TCF25: variants seen among roughly 807,000 people sequenced by gnomAD.
TCF25 encodes TCF25 ribosome quality control complex subunit, also known as ribosome quality control complex subunit TCF25.
Under a neutral mutation model 83.1 loss-of-function variants are expected in TCF25, and 41 were observed. The ratio of observed to expected loss-of-function variants is 0.49; its 90% CI spans 0.38 to 0.64. TCF25 has a LOEUF of 0.64. Ranked by LOEUF, TCF25 falls within the 30% of genes least tolerant of loss-of-function variation. The probability of loss-of-function intolerance (pLI) is 0.00; values close to 1 mark genes in which losing one functional copy is unlikely to be tolerated. For synonymous variants in TCF25, 458 were observed against 365.0 expected (o/e 1.25, Z -2.90); for missense variants, 979 against 914.5 (o/e 1.07, Z -0.91).
intron 16 of TCF25, chr16:89,909,249 C>T (rs1005845897): frequency 1.1e-5 from 10 of 907,174 alleles, no homozygotes; most frequent in East Asian, 6.3e-5. Flanking sequence ...CAGTGACTCA[C>T]GCCTGTAATT....
Position 89,898,615 on chromosome 16 carries a change from C to A in TCF25, c.1081C>A (p.Arg361Ser), listed in dbSNP as rs144328773. ...MSFLEKRGCP[R>S]TALEYCKLIL... ...CTTCCTGGAGAAGCGAGGCTGCCCGCGCACGGCGCTGGAGTACTGCAAGCT... is the reference window on the plus strand; with the variant it reads ...CTTCCTGGAGAAGCGAGGCTGCCCGAGCACGGCGCTGGAGTACTGCAAGCT... The change falls in exon 10 of 18, where the codon CGC (arginine) becomes AGC (serine). Residue 361 changes from arginine (R) to serine (S), a missense_variant. Transcript: ENST00000263346. The A allele has an allele frequency of 7.9e-4, 1,275 of 1,612,874 alleles. 2 individuals carry two copies. The highest frequency in any genetic ancestry group is 1.3e-3 in the Admixed American group (78 of 60,014).
chr16:89,909,015 G>C (rs530602776), intron 16 of TCF25: 2 of 1,289,436 alleles, frequency 1.6e-6, no homozygotes, highest in East Asian at 5.5e-5. Flanking sequence ...ACAGCTCTGC[G>C]TTTGCAGGCC....
intron 5 of TCF25, chr16:89,890,763 A>C (rs1037635466): frequency 2.0e-5 from 3 of 152,076 alleles, no homozygotes; most frequent in Non-Finnish European, 4.4e-5. Flanking sequence ...ATAATTATTA[A>C]TAGTAATTAG....
rs111962119 is a variant in TCF25, at chr16:89,905,440, G to A, written c.1628+344G>A. On this transcript the variant is annotated intron_variant, in intron 14 of 17. Transcript: ENST00000263346. The stretch of plus-strand genomic sequence containing the variant: ...GGGAGTAAAGAAATCTGGCAGAGAC[G>A]AGAAAGAGTCTCCTGTCCTGTGTGT... 2.9e-3 allele frequency among the ~76,000 whole-genome samples: 437 copies of A among 152,336 alleles called. 4 individuals carry two copies. Among genetic ancestry groups the A allele is most frequent in the African/African-American group, 0.01 (423 of 41,576 alleles).
chr16:89,873,939 G>T, intron 1 of TCF25, 80 bp downstream of exon 1: 1 of 1,432,656 alleles, frequency 7.0e-7, no homozygotes, highest in Non-Finnish European at 9.2e-7. Context: ...CCGGGTCGGG[G>T]AGCGGGGTTG....
intron 5 of TCF25, chr16:89,889,952 C>T (rs1199475858): frequency 6.6e-6 from 1 of 152,218 alleles, no homozygotes; most frequent in Non-Finnish European, 1.5e-5. Flanking sequence ...TCACTGCAAC[C>T]TCCGCCTCCT....
intron 4 of TCF25, 51 bp from the exon 5 acceptor site, chr16:89,887,601 C>T (rs764451067): frequency 1.8e-5 from 27 of 1,488,654 alleles, no homozygotes; most frequent in South Asian, 6.7e-5. Context: ...CTTTTGGAAT[C>T]GTCTTAGAAC....
intron 4 of TCF25, among the ~76,000 whole-genome samples, chr16:89,887,164 G>T (rs939395438): frequency 2.6e-5 from 4 of 151,976 alleles, no homozygotes; most frequent in Non-Finnish European, 5.9e-5. Context: ...CTCCCAAAAT[G>T]CTGGAATTAC....
At chr16:89,881,066 C>G (rs965478384) in intron 1 of TCF25, among the ~76,000 whole-genome samples, 3 of 152,208 alleles carry the variant, frequency 2.0e-5, no homozygotes, top group African/African-American at 7.2e-5. Context: ...CATGGATTTT[C>G]TCAACGGGCG....
Position 89,891,959 on chromosome 16 carries a change from C to T in TCF25, c.615-234C>T, listed in dbSNP as rs964357417. ...TGCTGGGATTACAGGTGTGAGCCCC[C>T]GTGCCCAGCCAGAATTGTTTCTTTC... On this transcript the variant is annotated intron_variant, in intron 5 of 17. Transcript: ENST00000263346. Among the ~76,000 whole-genome samples, 6 of 152,226 alleles carry T rather than the reference C, an allele frequency of 3.9e-5. No homozygotes were observed. The East Asian group carries it at 5.8e-4, about 15-fold the overall frequency.
At chr16:89,896,302 G>C (rs771104609) in intron 9 of TCF25, among the ~76,000 whole-genome samples, 2 of 152,222 alleles carry the variant, frequency 1.3e-5, no homozygotes, top group African/African-American at 4.8e-5. Context: ...TGATGCTACT[G>C]TGGAGGTCAG....
intron 1 of TCF25, among the ~76,000 whole-genome samples, chr16:89,880,590 A>AG (rs1263432942): frequency 6.6e-6 from 1 of 151,124 alleles, no homozygotes; most frequent in African/African-American, 2.5e-5. Context: ...TCTCAAAAAA[A>AG]GAAAAAAAAA....
intron 9 of TCF25, among the ~76,000 whole-genome samples, chr16:89,897,064 T>C (rs1476731171): frequency 1.3e-5 from 2 of 151,342 alleles, no homozygotes; most frequent in Admixed American, 1.3e-4. Context: ...GAAGTGAGCC[T>C]GAGAAACCAG....
Position 89,893,839 on chromosome 16 carries a change from T to C in TCF25, c.809T>C (p.Met270Thr). The C allele has an allele frequency of 6.2e-7, 1 of 1,609,008 alleles. No individual in the cohort carries two copies. The highest frequency in any genetic ancestry group is 1.1e-5 in the South Asian group (1 of 90,094). The stretch of plus-strand genomic sequence containing the variant: ...AAGTTCCTGGTGGCCGTGGAGTCTA[T>C]GGAGCCGAACAACATCGTGGTGCGT... ...QHKFLVAVES[M>T]EPNNIVVLLQ... Residue 270 changes from methionine (M) to threonine (T), a missense_variant, in exon 7 of 18, where the codon ATG (methionine) becomes ACG (threonine). Met to Thr is a moderately conservative substitution (Grantham distance 81). Transcript: ENST00000263346.
At position 89,905,042 on chromosome 16, in the gene TCF25, A is replaced by G; in HGVS notation, c.1574A>G (p.Glu525Gly). 6.2e-7 allele frequency: 1 copy of G among 1,603,132 alleles called. No individual in the cohort carries two copies. Among genetic ancestry groups the G allele is most frequent in the Non-Finnish European group, 8.5e-7 (1 of 1,175,552 alleles). The change falls in exon 14 of 18, where the codon GAG becomes GGG. Residue 525 changes from glutamate (E) to glycine (G), a missense_variant. Physicochemically the swap from Glu to Gly is moderately conservative, Grantham distance 98 (BLOSUM62 -2). Transcript: ENST00000263346. ...AGCTGGCTGGAGGAGAACGTCCACG[A>G]GGTTCTGCAAGCAGTGGACGCCGGG... ...TMSWLEENVH[E>G]VLQAVDAGDP...
Position 89,898,749 on chromosome 16 carries a change from CTG to C in TCF25, c.1116-15_1116-14del. 1.9e-6 allele frequency: 3 copies of C among 1,613,686 alleles called. No homozygotes were observed. Among genetic ancestry groups the C allele is most frequent in the Non-Finnish European group, 2.5e-6 (3 of 1,179,954 alleles). On this transcript the variant is annotated splice_polypyrimidine_tract_variant and intron_variant, in intron 10 of 17. Coordinates refer to ENST00000263346, the MANE Select transcript of TCF25 (RefSeq NM_014972.3). ...CCCCTGTTCCCCTTTGCTCTGCTCTCTGTGCTGCCTCCGGAAGTCTCGAGCCG... is the reference window on the plus strand; with the variant it reads ...CCCCTGTTCCCCTTTGCTCTGCTCTCTGCTGCCTCCGGAAGTCTCGAGCCG...
chr16:89,911,369 T>A lies in TCF25; in HGVS notation c.*131T>A. The A allele has an allele frequency of 1.6e-6, 2 of 1,241,752 alleles. No individual in the cohort carries two copies. Among genetic ancestry groups the A allele is most frequent in the Non-Finnish European group, 1.1e-6 (1 of 888,946 alleles). 76.9% of individuals were successfully genotyped at this position (1,241,752 alleles called of 1,614,324 possible). On this transcript the variant is annotated 3_prime_UTR_variant, in exon 18 of 18. Transcript: ENST00000263346. ...TGGTCCACTGTTTCTCCTATAAATG[T>A]AAATGGGTCACGCTCTGCCGTCCGC...
At chr16:89,893,580 G>A in intron 6 of TCF25, 148 bp from the exon 7 acceptor site, 1 of 1,269,718 alleles carries the variant, frequency 7.9e-7, no homozygotes, top group Non-Finnish European at 1.1e-6. Flanking sequence ...GGTGTCCGGA[G>A]CTGGTGACAC....
At chr16:89,894,516 C>T (rs2043694903) in intron 7 of TCF25, among the ~76,000 whole-genome samples, 1 of 152,214 alleles carries the variant, frequency 6.6e-6, no homozygotes, top group Admixed American at 6.5e-5. Flanking sequence ...TTTCTTGGGG[C>T]TTAGTGGGGA....
Sources: gnomAD v4.1 joint callset for allele counts (sites outside exome capture counted in the v4.1 genomes callset) on GRCh38, gnomAD v4.1.1 for gene constraint, MANE v1.5 for transcripts, NCBI Gene and HGNC (gene_info 2026-07-23, HGNC 2026-07-21) for gene names.